Variants in FSTL4 observed in about 807,000 individuals in gnomAD.
FSTL4 encodes follistatin-related protein 4.
In FSTL4, 28 loss-of-function variants were observed where a neutral mutation model predicts 78.2. The ratio of observed to expected loss-of-function variants is 0.36; its 90% confidence interval spans 0.27 to 0.49. FSTL4 has a LOEUF of 0.49. FSTL4 is among the 20% of genes least tolerant of loss of function. The probability of loss-of-function intolerance (pLI) is 0.98; values close to 1 mark genes in which losing one functional copy is unlikely to be tolerated. For synonymous variants in FSTL4, 422 were observed against 440.5 expected, an observed-to-expected ratio of 0.96 and a Z score of 0.53; for missense variants, 922 against 1,084.9, an observed-to-expected ratio of 0.85 and a Z score of 2.11.
chr5:133,396,383 C>T (rs907253074), intron 4 of FSTL4, among the ~76,000 whole-genome samples: 71 of 152,324 alleles, frequency 4.7e-4, no homozygotes, highest in African/African-American at 1.7e-3. Context: ...CAAAGCAGTG[C>T]CCTTGAGCAC....
chr5:133,316,309 AG>A (rs1340352171), intron 5 of FSTL4, 149 bp downstream of exon 5: 3 of 598,108 alleles, frequency 5.0e-6, no homozygotes, highest in East Asian at 2.7e-5. Flanking sequence ...TAGAGGCTAA[AG>A]GTGGCTGGTG....
chr5:133,516,036 TA>T (rs1410216594), intron 3 of FSTL4, among the ~76,000 whole-genome samples: 2 of 151,936 alleles, frequency 1.3e-5, no homozygotes, highest in African/African-American at 4.8e-5. Flanking sequence ...AACCTAGCGC[TA>T]TTTTTTTTTT....
intron 3 of FSTL4, among the ~76,000 whole-genome samples, chr5:133,446,147 G>T (rs999701379): frequency 2.0e-5 from 3 of 152,138 alleles, no homozygotes; most frequent in Non-Finnish European, 4.4e-5. Context: ...ACCAAAACCT[G>T]CAGGCTCTCG....
At chr5:133,393,176 A>G (rs1467712371) in intron 4 of FSTL4, among the ~76,000 whole-genome samples, 1 of 134,992 alleles carries the variant, frequency 7.4e-6, no homozygotes, top group African/African-American at 2.5e-5. Flanking sequence ...AGTTGTTTTC[A>G]CAGATGCTGA....
At chr5:133,597,260 T>G (rs1760756486) in intron 2 of FSTL4, among the ~76,000 whole-genome samples, 1 of 152,160 alleles carries the variant, frequency 6.6e-6, no homozygotes, top group Admixed American at 6.5e-5. Context: ...TTGGGCCTTG[T>G]TAGAGCCTGC....
At chr5:133,686,760 G>A in the FSTL4 span, among the ~76,000 whole-genome samples, 1 of 152,236 alleles carries the variant, frequency 6.6e-6, no homozygotes, top group Non-Finnish European at 1.5e-5. Context: ...CTTGACTCAT[G>A]TGTTACTTTC....
At chr5:133,381,777 T>C (rs1433716512) in intron 4 of FSTL4, among the ~76,000 whole-genome samples, 1 of 152,220 alleles carries the variant, frequency 6.6e-6, no homozygotes, top group African/African-American at 2.4e-5. Context: ...TAGGTCAGCC[T>C]TGCACGTGGA....
chr5:133,652,541 A>G, the FSTL4 span, among the ~76,000 whole-genome samples: 1 of 151,848 alleles, frequency 6.6e-6, no homozygotes, highest in Non-Finnish European at 1.5e-5. Flanking sequence ...GCTTAATTTC[A>G]CAGTATTTGG....
chr5:133,781,401 GT>G, the FSTL4 span, among the ~76,000 whole-genome samples: 16 of 141,894 alleles, frequency 1.1e-4, no homozygotes, highest in African/African-American at 4.3e-4. Context: ...GTGTGTGTGT[GT>G]GTGTGTGTGG....
the FSTL4 span, among the ~76,000 whole-genome samples, chr5:133,706,625 G>A: frequency 2.0e-5 from 3 of 152,158 alleles, no homozygotes; most frequent in Non-Finnish European, 4.4e-5. Context: ...CTGCTAGAAG[G>A]ATGTTTCATC....
At chr5:133,719,554 TC>T in the FSTL4 span, among the ~76,000 whole-genome samples, 3 of 150,678 alleles carry the variant, frequency 2.0e-5, no homozygotes, top group Non-Finnish European at 4.4e-5. Context: ...ATGCCTGTAA[TC>T]CCAGCTACTC....
chr5:133,661,363 C>T, the FSTL4 span, among the ~76,000 whole-genome samples: 2 of 152,146 alleles, frequency 1.3e-5, no homozygotes, highest in Non-Finnish European at 2.9e-5. Context: ...ACTGCAGGCT[C>T]CTGGTTTGTA....
At chr5:133,656,345 C>G in the FSTL4 span, among the ~76,000 whole-genome samples, 2 of 152,108 alleles carry the variant, frequency 1.3e-5, no homozygotes, top group Non-Finnish European at 2.9e-5. Flanking sequence ...AGTGTTTATA[C>G]AACAATTCCC....
chr5:133,324,584 T>A (rs943082836), intron 4 of FSTL4, among the ~76,000 whole-genome samples: 1 of 152,250 alleles, frequency 6.6e-6, no homozygotes, highest in African/African-American at 2.4e-5. Context: ...TCATCCACTG[T>A]GGATCATCAG....
chr5:133,318,744 G>A (rs1753971401), intron 4 of FSTL4, among the ~76,000 whole-genome samples: 2 of 152,248 alleles, frequency 1.3e-5, no homozygotes, highest in Admixed American at 1.3e-4. Flanking sequence ...CCACCTGAAG[G>A]TGAGGACAGG....
the FSTL4 span, among the ~76,000 whole-genome samples, chr5:133,760,641 G>C: frequency 6.6e-6 from 1 of 152,198 alleles, no homozygotes; most frequent in South Asian, 2.1e-4. Flanking sequence ...AAAAATAAAA[G>C]CCAACAACAA....
chr5:133,634,686 T>A, the FSTL4 span, among the ~76,000 whole-genome samples: 1 of 152,220 alleles, frequency 6.6e-6, no homozygotes, highest in African/African-American at 2.4e-5. Context: ...CAATCTGTAC[T>A]CTCTAGAATA....
intron 3 of FSTL4, among the ~76,000 whole-genome samples, chr5:133,509,314 T>TC (rs1758676488): frequency 6.6e-6 from 1 of 152,144 alleles, no homozygotes; most frequent in Non-Finnish European, 1.5e-5. Flanking sequence ...AGAAACCTCC[T>TC]CTTTTTTACA....
chr5:133,753,066 T>C, the FSTL4 span, among the ~76,000 whole-genome samples: 44 of 152,296 alleles, frequency 2.9e-4, no homozygotes, highest in African/African-American at 1.0e-3. Flanking sequence ...CAGCTACCCT[T>C]ATATAATCAG....
Sources: allele counts gnomAD v4.1 joint callset (sites outside exome capture counted in the v4.1 genomes callset), GRCh38; gene constraint gnomAD v4.1.1; transcripts MANE v1.5; gene names NCBI Gene and HGNC (gene_info 2026-07-23, HGNC 2026-07-21).